COL25A1: variants seen among roughly 807,000 people sequenced by gnomAD.
COL25A1 encodes the protein collagen alpha-1(XXV) chain.
In COL25A1, 103 loss-of-function variants were observed where a neutral mutation model predicts 128.4. The observed-to-expected ratio is 0.80, with a 90% CI of 0.68 to 0.94. The LOEUF (loss-of-function observed/expected upper bound fraction) is 0.94, where lower values mean the gene tolerates loss of function less well. Ranked by LOEUF, COL25A1 falls within the 40% of genes least tolerant of loss-of-function variation. The probability of loss-of-function intolerance (pLI) is 0.00; values close to 1 mark genes in which losing one functional copy is unlikely to be tolerated. For missense variants in COL25A1, 745 were observed against 840.0 expected (o/e 0.89, Z 1.40); for synonymous variants, 279 against 277.2 (o/e 1.01, Z -0.06).
intron 23 of COL25A1, among the ~76,000 whole-genome samples, chr4:108,860,632 A>C (rs965935): frequency 0.51 from 78,185 of 151,824 alleles, 22,568 homozygotes; most frequent in East Asian, 0.93. Flanking sequence ...TAATTGAGTT[A>C]ATTGAAAAGT....
intron 3 of COL25A1, among the ~76,000 whole-genome samples, chr4:109,077,477 C>T (rs760463438): frequency 4.7e-5 from 7 of 148,762 alleles, no homozygotes; most frequent in African/African-American, 7.4e-5. Context: ...AAAGCGGCAA[C>T]ATTATTTTAA....
chr4:109,234,764 C>A (rs1779361481), intron 3 of COL25A1, among the ~76,000 whole-genome samples: 1 of 152,050 alleles, frequency 6.6e-6, no homozygotes, highest in Non-Finnish European at 1.5e-5. Context: ...AATTTTTATT[C>A]AGGAAAAACA....
At chr4:109,146,294 G>T (rs1770940313) in intron 3 of COL25A1, among the ~76,000 whole-genome samples, 1 of 152,126 alleles carries the variant, frequency 6.6e-6, no homozygotes, top group Non-Finnish European at 1.5e-5. Context: ...AATAAGAAAA[G>T]TCTATTTACA....
At chr4:109,125,939 G>T (rs1768556418) in intron 3 of COL25A1, among the ~76,000 whole-genome samples, 1 of 151,984 alleles carries the variant, frequency 6.6e-6, no homozygotes, top group South Asian at 2.1e-4. Context: ...TACCTTTGTT[G>T]TTCTGAAGGA....
At chr4:109,058,895 G>A (rs1478438713) in intron 3 of COL25A1, among the ~76,000 whole-genome samples, 1 of 152,142 alleles carries the variant, frequency 6.6e-6, no homozygotes, top group African/African-American at 2.4e-5. Context: ...AATGAGTGAT[G>A]GAAAATGAAT....
At chr4:108,990,247 T>A (rs1187179732) in intron 6 of COL25A1, among the ~76,000 whole-genome samples, 508 of 66,026 alleles carry the variant, frequency 7.7e-3, no homozygotes, top group Non-Finnish European at 0.01. Context: ...AAAATATATA[T>A]ATATATATAT....
rs146360917 is a variant in COL25A1 at position 109,241,800 on chromosome 4, G to C, written c.367+58783C>G. ...ACATTTAGAATTTGTTGTAGAAGTA[G>C]AGTTAGTGGAACCTAGTAACCCCAA... On this transcript the variant is annotated intron_variant, in intron 3 of 37. Transcript: ENST00000399132. 7.9e-5 allele frequency among the ~76,000 whole-genome samples: 12 copies of C among 152,114 alleles called. No homozygotes were observed. In the East Asian group the frequency reaches 2.1e-3, roughly 27 times the overall value.
chr4:108,964,273 G>A (rs1052907687), intron 8 of COL25A1, among the ~76,000 whole-genome samples: 1 of 151,582 alleles, frequency 6.6e-6, no homozygotes, highest in Non-Finnish European at 1.5e-5. Flanking sequence ...GATGTGCTTA[G>A]GATTGGATTT....
At chr4:109,137,316 A>G (rs1315004378) in intron 3 of COL25A1, among the ~76,000 whole-genome samples, 1 of 152,254 alleles carries the variant, frequency 6.6e-6, no homozygotes, top group African/African-American at 2.4e-5. Flanking sequence ...CCATGAAAAT[A>G]AAAACTTAAG....
intron 3 of COL25A1, among the ~76,000 whole-genome samples, chr4:109,298,649 A>G (rs778012203): frequency 9.2e-5 from 14 of 152,178 alleles, no homozygotes; most frequent in Non-Finnish European, 2.1e-4. Flanking sequence ...GTTTTCCCCA[A>G]GATATTATTT....
intron 6 of COL25A1, among the ~76,000 whole-genome samples, chr4:108,977,477 T>A (rs1752546273): frequency 6.6e-6 from 1 of 152,202 alleles, no homozygotes; most frequent in African/African-American, 2.4e-5. Flanking sequence ...TTTTAACACA[T>A]GCAAAATGCT....
intron 11 of COL25A1, among the ~76,000 whole-genome samples, chr4:108,924,738 A>T (rs1745853656): frequency 6.6e-6 from 1 of 152,110 alleles, no homozygotes; most frequent in East Asian, 1.9e-4. Flanking sequence ...CCCATACTTA[A>T]ATATCTTTCA....
intron 5 of COL25A1, among the ~76,000 whole-genome samples, chr4:109,019,298 T>G (rs530346410): frequency 6.7e-6 from 1 of 150,216 alleles, no homozygotes; most frequent in South Asian, 2.1e-4. Context: ...CTTGTGATCA[T>G]GTAAGTTAAT....
intron 3 of COL25A1, among the ~76,000 whole-genome samples, chr4:109,254,065 C>A (rs1322979026): frequency 1.4e-5 from 2 of 145,610 alleles, no homozygotes; most frequent in Admixed American, 7.1e-5. Context: ...CCAGCCTGGG[C>A]GACAGTGCGA....
intron 11 of COL25A1, among the ~76,000 whole-genome samples, chr4:108,927,993 A>G (rs1746269883): frequency 6.6e-6 from 1 of 152,330 alleles, no homozygotes; most frequent in African/African-American, 2.4e-5. Flanking sequence ...CACTAAAATT[A>G]GCTCACTCCA....
At chr4:109,070,691 C>G (rs1212007953) in intron 3 of COL25A1, among the ~76,000 whole-genome samples, 1 of 122,674 alleles carries the variant, frequency 8.2e-6, no homozygotes, top group Admixed American at 9.4e-5. Context: ...CCCCCCTCCC[C>G]CCACCCCACA....
chr4:109,028,751 A>G (rs1194633525), intron 5 of COL25A1, among the ~76,000 whole-genome samples: 2 of 152,080 alleles, frequency 1.3e-5, no homozygotes, highest in African/African-American at 2.4e-5. Flanking sequence ...GAAAAAGAAA[A>G]GAAAAGAAAG....
At chr4:109,218,371 T>TG (rs1254663111) in intron 3 of COL25A1, among the ~76,000 whole-genome samples, 7 of 140,306 alleles carry the variant, frequency 5.0e-5, no homozygotes, top group South Asian at 2.3e-4. Context: ...TTTTTTTTTT[T>TG]TTTTTTTTTT....
At chr4:109,239,162 T>C (rs543185990) in intron 3 of COL25A1, among the ~76,000 whole-genome samples, 2 of 152,016 alleles carry the variant, frequency 1.3e-5, no homozygotes, top group Non-Finnish European at 2.9e-5. Context: ...GGATACATTC[T>C]GAGAACTGCA....
Sources: gnomAD v4.1 joint callset for allele counts (sites outside exome capture counted in the v4.1 genomes callset) on GRCh38, gnomAD v4.1.1 for gene constraint, MANE v1.5 for transcripts, NCBI Gene and HGNC (gene_info 2026-07-23, HGNC 2026-07-21) for gene names.